Variants in PKNOX2 observed in about 807,000 individuals in gnomAD.
The protein encoded by PKNOX2 is homeobox protein PKNOX2.
Under a neutral mutation model 53.1 loss-of-function variants are expected in PKNOX2, and 14 were observed. The ratio of observed to expected loss-of-function variants is 0.26; its 90% CI spans 0.17 to 0.41. The LOEUF is 0.41. PKNOX2 is among the 10% of genes least tolerant of loss of function. PKNOX2 has a pLI of 1.00. For missense variants in PKNOX2, 496 were observed against 602.8 expected (o/e 0.82, Z 1.85); for synonymous variants, 257 against 242.8 (o/e 1.06, Z -0.54).
chr11:125,180,263 C>T (rs188597414), intron 1 of PKNOX2, among the ~76,000 whole-genome samples: 43 of 152,104 alleles, frequency 2.8e-4, no homozygotes, highest in African/African-American at 9.4e-4. Flanking sequence ...TCTCCCTTTC[C>T]GTCTTTATTT....
At chr11:125,319,885 A>AC (rs1414600126) in intron 2 of PKNOX2, among the ~76,000 whole-genome samples, 1 of 152,204 alleles carries the variant, frequency 6.6e-6, no homozygotes, top group African/African-American at 2.4e-5. Flanking sequence ...TGGAGGCCAA[A>AC]CAGCAAGCTA....
At chr11:125,430,377 G>T (rs1478883922) in intron 12 of PKNOX2, among the ~76,000 whole-genome samples, 1 of 152,222 alleles carries the variant, frequency 6.6e-6, no homozygotes, top group Non-Finnish European at 1.5e-5. Flanking sequence ...ACGCAAGTCA[G>T]TGACTGCTCA....
At chr11:125,298,170 G>A (rs1947785482) in intron 2 of PKNOX2, among the ~76,000 whole-genome samples, 1 of 152,178 alleles carries the variant, frequency 6.6e-6, no homozygotes, top group Non-Finnish European at 1.5e-5. Context: ...TGGCGTTAAG[G>A]AAACAGGCAG....
chr11:125,318,370 C>T (rs1189078662), intron 2 of PKNOX2, among the ~76,000 whole-genome samples: 3 of 151,892 alleles, frequency 2.0e-5, no homozygotes, highest in Non-Finnish European at 4.4e-5. Flanking sequence ...ATCCACCCAC[C>T]TTGGCCTCCA....
At chr11:125,305,539 C>T (rs962231644) in intron 2 of PKNOX2, among the ~76,000 whole-genome samples, 2 of 152,200 alleles carry the variant, frequency 1.3e-5, no homozygotes, top group South Asian at 2.1e-4. Flanking sequence ...GGCACCCCCA[C>T]CCCAGGCAGT....
chr11:125,248,224 G>A (rs558959027), intron 2 of PKNOX2, among the ~76,000 whole-genome samples: 3 of 152,172 alleles, frequency 2.0e-5, no homozygotes, highest in Non-Finnish European at 4.4e-5. Flanking sequence ...ACTGCTTGGA[G>A]TTTTCTGCTC....
intron 1 of PKNOX2, among the ~76,000 whole-genome samples, chr11:125,211,621 G>A (rs1330764427): frequency 1.3e-5 from 2 of 152,118 alleles, no homozygotes; most frequent in African/African-American, 4.8e-5. Flanking sequence ...GAAGAATGTG[G>A]CCTTGGTCTT....
chr11:125,341,270 C>T (rs928354698), intron 3 of PKNOX2, among the ~76,000 whole-genome samples: 1 of 151,032 alleles, frequency 6.6e-6, no homozygotes, highest in African/African-American at 2.4e-5. Context: ...GCAGGAGAAT[C>T]GCTTGAACCC....
intron 1 of PKNOX2, among the ~76,000 whole-genome samples, chr11:125,182,870 C>G (rs1187667882): frequency 2.6e-5 from 4 of 152,202 alleles, no homozygotes; most frequent in African/African-American, 9.6e-5. Flanking sequence ...CAAGGCTGGG[C>G]TGAGGGCCAG....
chr11:125,222,194 C>G (rs2135503491), intron 1 of PKNOX2, among the ~76,000 whole-genome samples: 1 of 152,314 alleles, frequency 6.6e-6, no homozygotes. Flanking sequence ...GGGGTGACAA[C>G]TGCCTTGGGG....
chr11:125,205,330 C>T (rs1429883108), intron 1 of PKNOX2, among the ~76,000 whole-genome samples: 1 of 152,100 alleles, frequency 6.6e-6, no homozygotes, highest in Non-Finnish European at 1.5e-5. Context: ...TGGTGAAAGG[C>T]CAAGTCTGAA....
intron 1 of PKNOX2, among the ~76,000 whole-genome samples, chr11:125,168,320 C>T (rs1313534558): frequency 6.6e-6 from 1 of 152,218 alleles, no homozygotes; most frequent in Non-Finnish European, 1.5e-5. Flanking sequence ...CAGGCTGTGG[C>T]TTTGACCGCA....
chr11:125,179,573 G>C (rs145664593), intron 1 of PKNOX2, among the ~76,000 whole-genome samples: 1 of 152,222 alleles, frequency 6.6e-6, no homozygotes, highest in African/African-American at 2.4e-5. Flanking sequence ...GGGGTGCTGG[G>C]GCAGAGTGGC....
Position 125,165,843 on chromosome 11 carries a change from G to T in PKNOX2, c.-201+1067G>T, listed in dbSNP as rs1954829174. On this transcript the variant is annotated intron_variant, in intron 1 of 12. Transcript: ENST00000298282. This position sits in a 1 kb window ranked among gnomAD's most constrained non-coding sequence, Gnocchi z 4.5. ...AGAGCGGAGAGCTGAGGGGGATGGC[G>T]CAGGATCCCGAATCTGCCGCTCAAA... is the stretch of plus-strand genomic sequence containing the variant. Among the ~76,000 whole-genome samples the T allele has an allele frequency of 6.6e-6, 1 of 152,210 alleles. No homozygotes were observed. Among genetic ancestry groups the T allele is most frequent in the Non-Finnish European group, 1.5e-5 (1 of 68,044 alleles).
intron 3 of PKNOX2, 80 bp from the exon 4 acceptor site, chr11:125,351,204 G>A (rs1951290394): frequency 1.4e-6 from 1 of 738,308 alleles, no homozygotes; most frequent in Non-Finnish European, 2.5e-6. Flanking sequence ...GCCCAGCGGG[G>A]GACACAGGGA....
At chr11:125,178,672 AAGAAAGAGAGAGAGAG>A (rs1453882523) in intron 1 of PKNOX2, among the ~76,000 whole-genome samples, 7 of 114,978 alleles carry the variant, frequency 6.1e-5, no homozygotes, top group African/African-American at 3.3e-4. Context: ...GAAGGAAGGA[AAGAAAGAGAGAGAGAG>A]AGAGAGAGAG....
At chr11:125,239,913 A>G (rs1943016093) in intron 2 of PKNOX2, 1 of 152,208 alleles carries the variant, frequency 6.6e-6, no homozygotes, top group Admixed American at 6.5e-5. Context: ...GCATTTCTGG[A>G]GGATTCGGAT....
chr11:125,361,082 A>C (rs953900602), intron 4 of PKNOX2, among the ~76,000 whole-genome samples: 1 of 152,240 alleles, frequency 6.6e-6, no homozygotes, highest in Admixed American at 6.5e-5. Context: ...TCAAGGAGGT[A>C]AATCTGCAGC....
intron 2 of PKNOX2, among the ~76,000 whole-genome samples, chr11:125,266,972 A>C (rs182868440): frequency 6.6e-6 from 1 of 151,986 alleles, no homozygotes; most frequent in African/African-American, 2.4e-5. Flanking sequence ...CTCCCTTTTG[A>C]TTTTTCTGTG....
Sources: gnomAD v4.1 joint callset for allele counts (sites outside exome capture counted in the v4.1 genomes callset) on GRCh38, gnomAD v4.1.1 for gene constraint, Gnocchi (gnomAD v3.1) non-coding constraint, MANE v1.5 for transcripts, NCBI Gene and HGNC (gene_info 2026-07-23, HGNC 2026-07-21) for gene names.